The following ZPBP variants were observed in gnomAD, a reference collection of about 807,000 sequenced individuals.
The protein encoded by ZPBP is zona pellucida-binding protein 1.
Under a neutral mutation model 44.8 loss-of-function variants are expected in ZPBP, and 26 were observed. The ratio of observed to expected loss-of-function variants is 0.58; its 90% confidence interval spans 0.43 to 0.81. The LOEUF is 0.81. ZPBP is among the 30% of genes least tolerant of loss of function. The pLI is 0.00. For missense variants in ZPBP, 409 were observed against 434.0 expected, an observed-to-expected ratio of 0.94 and a Z score of 0.51; for synonymous variants, 174 against 153.2, an observed-to-expected ratio of 1.14 and a Z score of -1.00.
intron 7 of ZPBP, chr7:49,943,969 C>T: frequency 6.5e-6 from 2 of 309,066 alleles, no homozygotes; most frequent in Non-Finnish European, 1.3e-5. Flanking sequence ...CTGCATATCA[C>T]TTGCAAATAA....
intron 1 of ZPBP, chr7:49,917,113 A>G (rs551451177): frequency 2.0e-5 from 3 of 152,348 alleles, no homozygotes; most frequent in South Asian, 4.1e-4. Flanking sequence ...ATCTTTCTAC[A>G]TAACATAATT....
intron 7 of ZPBP, among the ~76,000 whole-genome samples, chr7:49,963,440 C>T (rs1013875988): frequency 6.6e-6 from 1 of 151,708 alleles, no homozygotes; most frequent in South Asian, 2.1e-4. Context: ...CATAAATGTT[C>T]ATACAACTTT....
intron 7 of ZPBP, among the ~76,000 whole-genome samples, chr7:49,963,008 T>C (rs949334618): frequency 6.6e-6 from 1 of 150,700 alleles, no homozygotes; most frequent in Admixed American, 6.6e-5. Context: ...AAAAATCTTA[T>C]AAGGAAATAC....
At chr7:49,884,339 G>C (rs1475488935) in intron 2 of ZPBP, among the ~76,000 whole-genome samples, 1 of 152,224 alleles carries the variant, frequency 6.6e-6, no homozygotes, top group African/African-American at 2.4e-5. Flanking sequence ...GTTGAGTATT[G>C]CCAGGGAAGA....
chr7:49,959,171 T>C (rs1795739014), intron 7 of ZPBP, among the ~76,000 whole-genome samples: 1 of 151,916 alleles, frequency 6.6e-6, no homozygotes, highest in African/African-American at 2.4e-5. Context: ...GTTATTGCTT[T>C]TCCTCTAATA....
intron 3 of ZPBP, among the ~76,000 whole-genome samples, chr7:50,066,178 A>G (rs1429802492): frequency 6.6e-6 from 1 of 150,772 alleles, no homozygotes; most frequent in Non-Finnish European, 1.5e-5. Context: ...GAACATATGC[A>G]GCATGGCAGG....
In ZPBP at chr7:49,859,354, C is replaced by A. The variant is rs930076552; in HGVS notation, n.510-8840G>T. Among the ~76,000 whole-genome samples, 14 of 152,076 alleles carry A rather than the reference C, an allele frequency of 9.2e-5. No individual in the cohort carries two copies. In the South Asian group the frequency reaches 2.9e-3, roughly 32 times the overall value. Reference sequence around the variant, plus strand: ...GTCTGGTTTTTAAAATCTTATCCTCCTTAGGTAACAAGGCTGTTCTCATAT... The same window carrying A: ...GTCTGGTTTTTAAAATCTTATCCTCATTAGGTAACAAGGCTGTTCTCATAT... On this transcript the variant is annotated intron_variant and non_coding_transcript_variant, in intron 2 of 2. Transcript: ENST00000465922.
chr7:49,902,443 A>G lies in ZPBP; in HGVS notation n.412-1228T>C, dbSNP rs552296135. Among the ~76,000 whole-genome samples the G allele has an allele frequency of 1.4e-3, 206 of 152,048 alleles. 1 individual carries two copies. Among genetic ancestry groups the G allele is most frequent in the Non-Finnish European group, 2.5e-3 (167 of 67,876 alleles). ...GAAACAGACCCACAACAGTACAGCA[A>G]ATTTATTTTTGACAAAGGTGCAAAG... On this transcript the variant is annotated intron_variant and non_coding_transcript_variant, in intron 1 of 2. Coordinates refer to the ZPBP transcript ENST00000465922.
At chr7:50,071,549 G>A (rs1158071958) in intron 3 of ZPBP, among the ~76,000 whole-genome samples, 1 of 152,134 alleles carries the variant, frequency 6.6e-6, no homozygotes, top group Non-Finnish European at 1.5e-5. Flanking sequence ...AGCCAAGGGA[G>A]GGCTGGCATC....
At chr7:50,088,353 T>C (rs1335518423) in intron 2 of ZPBP, among the ~76,000 whole-genome samples, 1 of 152,020 alleles carries the variant, frequency 6.6e-6, no homozygotes, top group East Asian at 1.9e-4. Flanking sequence ...TAACACTTTG[T>C]GACCAGTGAT....
At chr7:49,976,829 G>T (rs1423596765) in intron 7 of ZPBP, among the ~76,000 whole-genome samples, 1 of 152,030 alleles carries the variant, frequency 6.6e-6, no homozygotes, top group East Asian at 1.9e-4. Context: ...ATCGGCCGGC[G>T]CAGTGGCTCA....
chr7:49,935,966 GA>G (rs1794608476), downstream of ZPBP: 1 of 151,966 alleles, frequency 6.6e-6, no homozygotes, highest in Non-Finnish European at 1.5e-5. Flanking sequence ...TCATGCCTCA[GA>G]AAAATGCATT....
chr7:49,987,218 A>T (rs1276130012), intron 6 of ZPBP, among the ~76,000 whole-genome samples: 1 of 152,206 alleles, frequency 6.6e-6, no homozygotes, highest in Non-Finnish European at 1.5e-5. Flanking sequence ...GTAATAAGGG[A>T]TTTAAAAGGA....
intron 4 of ZPBP, among the ~76,000 whole-genome samples, chr7:50,033,905 C>G (rs1799713984): frequency 6.6e-6 from 1 of 151,980 alleles, no homozygotes; most frequent in African/African-American, 2.4e-5. Flanking sequence ...GTTGGCTAGT[C>G]TGGTCTCGAA....
chr7:50,082,723 C>A (rs1802430175), intron 2 of ZPBP, among the ~76,000 whole-genome samples: 1 of 151,762 alleles, frequency 6.6e-6, no homozygotes, highest in Admixed American at 6.6e-5. Context: ...ACATACCCTT[C>A]CACAGGTTAA....
chr7:49,853,144 G>C (rs1790264203), intron 2 of ZPBP, among the ~76,000 whole-genome samples: 1 of 152,278 alleles, frequency 6.6e-6, no homozygotes, highest in Non-Finnish European at 1.5e-5. Context: ...CTCTGAACAG[G>C]AGCAGTCACT....
intron 7 of ZPBP, among the ~76,000 whole-genome samples, chr7:49,978,782 A>T (rs146035785): frequency 6.6e-6 from 1 of 151,952 alleles, no homozygotes; most frequent in African/African-American, 2.4e-5. Context: ...TAATTTGTTA[A>T]ATCATTTTCT....
At chr7:49,854,163 C>T (rs752100924) in intron 2 of ZPBP, among the ~76,000 whole-genome samples, 6 of 151,980 alleles carry the variant, frequency 3.9e-5, no homozygotes, top group East Asian at 1.9e-4. Context: ...TGAATAGTGC[C>T]GCAATAAGCA....
At chr7:50,068,148 A>G (rs1801630743) in intron 3 of ZPBP, among the ~76,000 whole-genome samples, 1 of 152,106 alleles carries the variant, frequency 6.6e-6, no homozygotes, top group Non-Finnish European at 1.5e-5. Flanking sequence ...GTGGCTTTGT[A>G]TAATGGCTTA....
Sources: gnomAD v4.1 joint callset for allele counts (sites outside exome capture counted in the v4.1 genomes callset) on GRCh38, gnomAD v4.1.1 for gene constraint, MANE v1.5 for transcripts, NCBI Gene and HGNC (gene_info 2026-07-23, HGNC 2026-07-21) for gene names.